GAS2: variants seen among roughly 807,000 people sequenced by gnomAD.
GAS2 encodes the protein growth arrest specific 2.
A neutral mutation model predicts 37.5 loss-of-function variants in GAS2; 20 were observed. That is an observed-to-expected ratio of 0.53 (90% CI 0.37 to 0.77). GAS2 has a LOEUF of 0.77. Among genes scored for constraint, GAS2 ranks in the 30% least tolerant of loss-of-function variants. The pLI is 0.00. For synonymous variants in GAS2, 144 were observed against 132.2 expected (o/e 1.09, Z -0.61); for missense variants, 336 against 373.4 (o/e 0.90, Z 0.82).
At chr11:22,656,020 ATATCTT>A (rs1047728791) in intron 1 of GAS2, among the ~76,000 whole-genome samples, 1 of 152,196 alleles carries the variant, frequency 6.6e-6, no homozygotes, top group Non-Finnish European at 1.5e-5. Flanking sequence ...AAAAATAAAA[ATATCTT>A]TATAGGTGGT....
chr11:22,632,604 A>G (rs1312278539), intron 1 of GAS2, among the ~76,000 whole-genome samples: 2 of 152,140 alleles, frequency 1.3e-5, no homozygotes, highest in Non-Finnish European at 2.9e-5. Context: ...TTGCTGGCAA[A>G]GCCAGGGAAG....
At chr11:22,710,382 A>C (rs1378487890) in intron 3 of GAS2, among the ~76,000 whole-genome samples, 1 of 152,102 alleles carries the variant, frequency 6.6e-6, no homozygotes, top group African/African-American at 2.4e-5. Flanking sequence ...AGAGACTCTG[A>C]ATTCACAATT....
At chr11:22,783,932 T>C (rs1855698549) in intron 7 of GAS2, among the ~76,000 whole-genome samples, 1 of 152,188 alleles carries the variant, frequency 6.6e-6, no homozygotes, top group Non-Finnish European at 1.5e-5. Flanking sequence ...TTTGGCAAGT[T>C]TGTCAAAGAT....
At chr11:22,679,836 T>TAC (rs1440728291) in intron 2 of GAS2, among the ~76,000 whole-genome samples, 3 of 151,982 alleles carry the variant, frequency 2.0e-5, no homozygotes, top group Non-Finnish European at 2.9e-5. Flanking sequence ...AATCATCAGA[T>TAC]ATATTAAAAA....
chr11:22,671,089 CAG>C (rs1484346110), intron 1 of GAS2, among the ~76,000 whole-genome samples: 3 of 152,058 alleles, frequency 2.0e-5, no homozygotes, highest in African/African-American at 4.8e-5. Context: ...ACAAACTAGA[CAG>C]AGTCTTTAAA....
At chr11:22,737,862 C>T in intron 5 of GAS2, 94 bp downstream of exon 5, 2 of 1,119,602 alleles carry the variant, frequency 1.8e-6, no homozygotes, top group South Asian at 2.5e-5. Context: ...TAATGTTTAA[C>T]CTGGATGTTG....
intron 1 of GAS2, among the ~76,000 whole-genome samples, chr11:22,630,649 A>G (rs1858731191): frequency 2.0e-5 from 3 of 152,208 alleles, no homozygotes; most frequent in Admixed American, 6.5e-5. Context: ...GCTTTGTCAA[A>G]GATCAGTTGA....
chr11:22,782,205 G>C (rs1855586113), intron 7 of GAS2, among the ~76,000 whole-genome samples: 1 of 152,064 alleles, frequency 6.6e-6, no homozygotes, highest in South Asian at 2.1e-4. Context: ...CTATATAAAG[G>C]GGATTAATAG....
chr11:22,749,829 A>G (rs1050977079), intron 6 of GAS2, among the ~76,000 whole-genome samples: 3 of 152,032 alleles, frequency 2.0e-5, no homozygotes, highest in Admixed American at 2.0e-4. Context: ...CCCTTGAGTC[A>G]CAATTTTTGG....
chr11:22,682,888 GAAAAA>G (rs57025584), intron 2 of GAS2, among the ~76,000 whole-genome samples: 37,644 of 98,624 alleles, frequency 0.38, 6,977 homozygotes, highest in South Asian at 0.51. Context: ...AAAAAAAAAG[GAAAAA>G]AAAAAAAAAA....
At chr11:22,767,346 T>G (rs928410053) in intron 7 of GAS2, among the ~76,000 whole-genome samples, 1 of 152,160 alleles carries the variant, frequency 6.6e-6, no homozygotes, top group Non-Finnish European at 1.5e-5. Context: ...AATTTCCTTT[T>G]GAAGTTTTTT....
chr11:22,687,201 C>A (rs1850005466), intron 3 of GAS2, among the ~76,000 whole-genome samples: 2 of 152,052 alleles, frequency 1.3e-5, no homozygotes, highest in Admixed American at 6.6e-5. Context: ...GTGGTGTGTT[C>A]CTGTAGCCCC....
intron 1 of GAS2, among the ~76,000 whole-genome samples, chr11:22,674,122 T>C (rs1849315067): frequency 6.6e-6 from 1 of 152,198 alleles, no homozygotes; most frequent in Non-Finnish European, 1.5e-5. Flanking sequence ...GAAAGAGTAG[T>C]GGTCTTGGGA....
chr11:22,703,010 T>C (rs1482882072), intron 3 of GAS2, among the ~76,000 whole-genome samples: 1 of 152,106 alleles, frequency 6.6e-6, no homozygotes, highest in Admixed American at 6.6e-5. Flanking sequence ...TAAAGGCATA[T>C]GAAACATGTG....
intron 5 of GAS2, among the ~76,000 whole-genome samples, chr11:22,745,754 C>T (rs1395939361): frequency 1.3e-5 from 2 of 151,934 alleles, no homozygotes; most frequent in Non-Finnish European, 2.9e-5. Flanking sequence ...ATAAGCAAAG[C>T]CAAATAACAT....
intron 3 of GAS2, among the ~76,000 whole-genome samples, chr11:22,705,478 G>A (rs1415718046): frequency 6.6e-6 from 1 of 152,124 alleles, no homozygotes; most frequent in Non-Finnish European, 1.5e-5. Context: ...CTGTGTACAA[G>A]ATCTGATAAA....
chr11:22,755,777 T>A lies in GAS2; in HGVS notation c.616-69T>A, dbSNP rs921655340. On this transcript the variant is annotated intron_variant, in intron 6 of 7. Coordinates refer to ENST00000454584, the MANE Select transcript of GAS2 (RefSeq NM_001143830.3). ...CATTAAGGGTTCAGGGGCCGTGGAG[T>A]CCTTGGAGCAAATTAACATAAATGC... is the stretch of plus-strand genomic sequence containing the variant. The A allele has an allele frequency of 7.3e-6, 8 of 1,094,618 alleles. No homozygotes were observed. In the African/African-American group the frequency reaches 9.3e-5, roughly 13 times the overall value. 67.8% of individuals were successfully genotyped at this position (1,094,618 alleles called of 1,614,324 possible). A position where few individuals can be genotyped will look rare whatever the true frequency, so the allele number is the denominator to read the frequency against.
At chr11:22,685,065 C>G (rs1033828171) in intron 2 of GAS2, among the ~76,000 whole-genome samples, 1 of 151,764 alleles carries the variant, frequency 6.6e-6, no homozygotes, top group African/African-American at 2.4e-5. Flanking sequence ...TTTTGGAGGC[C>G]GAGGCTGGAG....
intron 1 of GAS2, among the ~76,000 whole-genome samples, chr11:22,653,046 TTTCTTTG>T (rs1207832453): frequency 6.6e-6 from 1 of 150,536 alleles, no homozygotes; most frequent in African/African-American, 2.4e-5. Context: ...TCTTTCTTTC[TTTCTTTG>T]CTTTCTTTCT....
Sources: allele counts gnomAD v4.1 joint callset (sites outside exome capture counted in the v4.1 genomes callset), GRCh38; gene constraint gnomAD v4.1.1; transcripts MANE v1.5; gene names NCBI Gene and HGNC (gene_info 2026-07-23, HGNC 2026-07-21).